PCDHA2: variants seen among roughly 807,000 people sequenced by gnomAD.
PCDHA2 encodes the protein protocadherin alpha 2.
PCDHA2 carries 58 observed loss-of-function variants against 66.0 expected under a neutral mutation model. The ratio of observed to expected loss-of-function variants is 0.88; its 90% confidence interval spans 0.71 to 1.09. The LOEUF is 1.09. PCDHA2 is among the 50% of genes least tolerant of loss of function. The probability of loss-of-function intolerance (pLI) is 0.00; values close to 1 mark genes in which losing one functional copy is unlikely to be tolerated. For missense variants in PCDHA2, 1,267 were observed against 1,242.3 expected (o/e 1.02, Z -0.30); for synonymous variants, 634 against 554.0 (o/e 1.14, Z -2.03).
chr5:140,955,440 G>A (rs1332391978), intron 1 of PCDHA2, among the ~76,000 whole-genome samples: 3 of 152,022 alleles, frequency 2.0e-5, no homozygotes, highest in Admixed American at 2.0e-4. Context: ...TAGGTCTGAT[G>A]GTTTTATAAG....
Position 140,796,980 on chromosome 5 carries a change from T to C in PCDHA2, c.2016T>C (p.Ser672=). The C allele has an allele frequency of 6.2e-7, 1 of 1,613,744 alleles. No individual in the cohort carries two copies. Among genetic ancestry groups the C allele is most frequent in the Non-Finnish European group, 8.5e-7 (1 of 1,179,950 alleles). The part of the protein sequence containing the change: ...TATVLVSLVE[S]GQAPKASSRA... ...CCGTGTTAGTGTCGTTGGTGGAAAGTGGCCAGGCACCCAAGGCCTCGTCGC... is the reference window on the plus strand; with the variant it reads ...CCGTGTTAGTGTCGTTGGTGGAAAGCGGCCAGGCACCCAAGGCCTCGTCGC... The change falls in exon 1 of 4, where the codon AGT becomes AGC. Residue 672 remains serine, a synonymous_variant. Coordinates refer to ENST00000526136, the MANE Select transcript of PCDHA2 (RefSeq NM_018905.3).
chr5:140,946,611 A>AATATATATATAT lies in PCDHA2; in HGVS notation c.2389-32328_2389-32317dup, dbSNP rs1554217734. 3.4e-3 allele frequency among the ~76,000 whole-genome samples: 291 copies of AATATATATATAT among 86,770 alleles called. 7 individuals carry two copies. The highest frequency in any genetic ancestry group is 4.0e-3 in the Non-Finnish European group (186 of 46,640). 56.9% of individuals were successfully genotyped at this position (86,770 alleles called of 152,430 possible). A position where few individuals can be genotyped will look rare whatever the true frequency, so the allele number is the denominator to read the frequency against. On this transcript the variant is annotated intron_variant, in intron 1 of 3. Coordinates refer to ENST00000526136, the MANE Select transcript of PCDHA2 (RefSeq NM_018905.3). ...GGATGAATAGATAAAGAAAATGTGA[A>AATATATATATAT]ATATATATATATATATATATACAAT...
chr5:140,880,338 C>T (rs887426306), intron 1 of PCDHA2, among the ~76,000 whole-genome samples: 10 of 152,130 alleles, frequency 6.6e-5, no homozygotes, highest in African/African-American at 1.7e-4. Context: ...AAAAATAAGA[C>T]AGGCAGCAGG....
chr5:140,877,821 T>C (rs2057358206), intron 1 of PCDHA2: 1 of 1,603,226 alleles, frequency 6.2e-7, no homozygotes, highest in East Asian at 2.2e-5. Flanking sequence ...GAGAAGATTG[T>C]TTAAATCCTC....
chr5:140,795,658 G>C lies in PCDHA2; in HGVS notation c.694G>C (p.Val232Leu). Reference protein sequence around the residue: ...LTGTVQILIKVLDVNDNEPTF... With the variant: ...LTGTVQILIKLLDVNDNEPTF... ...GGGCACCGTTCAAATACTTATTAAGGTATTAGATGTAAATGACAATGAACC... is the reference window on the plus strand; with the variant it reads ...GGGCACCGTTCAAATACTTATTAAGCTATTAGATGTAAATGACAATGAACC... The change falls in exon 1 of 4, where the codon GTA (valine) becomes CTA (leucine). Residue 232 changes from valine to leucine, a missense_variant. Physicochemically the swap from Val to Leu is conservative, Grantham distance 32. Coordinates refer to ENST00000526136, the MANE Select transcript of PCDHA2 (RefSeq NM_018905.3). 1 of 1,614,114 alleles carries C rather than the reference G, an allele frequency of 6.2e-7. No homozygotes were observed. Among genetic ancestry groups the C allele is most frequent in the Non-Finnish European group, 8.5e-7 (1 of 1,180,006 alleles).
chr5:140,945,516 A>C (rs1192013721), intron 1 of PCDHA2, among the ~76,000 whole-genome samples: 2 of 152,154 alleles, frequency 1.3e-5, no homozygotes, highest in Non-Finnish European at 2.9e-5. Flanking sequence ...AAAGTAAATA[A>C]ATAAATAAAA....
chr5:140,835,627 G>A, intron 1 of PCDHA2: 1 of 1,613,916 alleles, frequency 6.2e-7, no homozygotes, highest in Non-Finnish European at 8.5e-7. Flanking sequence ...GCTCTGGACC[G>A]CGAGAGTGTG....
chr5:140,834,233 T>G, intron 1 of PCDHA2: 1 of 758,570 alleles, frequency 1.3e-6, no homozygotes, highest in Non-Finnish European at 2.1e-6. Flanking sequence ...AGGAAGTCAT[T>G]CCTTTTCGCA....
chr5:140,859,587 C>T, intron 1 of PCDHA2: 1 of 166,890 alleles, frequency 6.0e-6, no homozygotes, highest in Non-Finnish European at 1.3e-5. Context: ...TTGCCTATGG[C>T]TCTTAGCAAT....
chr5:140,857,661 A>T, intron 1 of PCDHA2: 1 of 1,596,582 alleles, frequency 6.3e-7, no homozygotes, highest in Non-Finnish European at 8.6e-7. Context: ...AGCGCGCGCG[A>T]TGGGGGCGTG....
At chr5:140,899,402 G>C (rs1465071147) in intron 1 of PCDHA2, among the ~76,000 whole-genome samples, 20 of 152,122 alleles carry the variant, frequency 1.3e-4, no homozygotes, top group East Asian at 7.7e-4. Flanking sequence ...TAGCATGAAG[G>C]GTTGTTGAAT....
chr5:140,883,870 G>A, intron 1 of PCDHA2: 1 of 1,613,302 alleles, frequency 6.2e-7, no homozygotes. Flanking sequence ...TGCAGTTCCA[G>A]GTGAGCGCGC....
chr5:140,828,395 T>G (rs2150154889), intron 1 of PCDHA2: 3 of 1,614,172 alleles, frequency 1.9e-6, no homozygotes, highest in South Asian at 2.2e-5. Context: ...GAGCGCGGAG[T>G]GCAGCATCCA....
chr5:140,872,902 C>G lies in PCDHA2; in HGVS notation c.2388+75550C>G, dbSNP rs78252676. ...TCATTCATCTCACTTTGTAACTGCT[C>G]TATCTTGTAATGCCTTATCTCTAAT... On this transcript the variant is annotated intron_variant, in intron 1 of 3. Coordinates refer to ENST00000526136, the MANE Select transcript of PCDHA2 (RefSeq NM_018905.3). Among the ~76,000 whole-genome samples, 460 of 152,278 alleles carry G rather than the reference C, an allele frequency of 3.0e-3. 1 individual carries two copies. The highest frequency in any genetic ancestry group is 9.4e-3 in the Admixed American group (143 of 15,288).
At chr5:140,950,073 G>T (rs2094447306) in intron 1 of PCDHA2, among the ~76,000 whole-genome samples, 1 of 151,672 alleles carries the variant, frequency 6.6e-6, no homozygotes, top group Non-Finnish European at 1.5e-5. Flanking sequence ...CTGTGCCATT[G>T]CTTATGCTAT....
At chr5:140,941,214 C>CCTTTCTTTCTTCCTTTCTTT (rs2092876516) in intron 1 of PCDHA2, among the ~76,000 whole-genome samples, 18 of 122,412 alleles carry the variant, frequency 1.5e-4, no homozygotes, top group Non-Finnish European at 2.9e-4. Context: ...TTTCTTTCTT[C>CCTTTCTTTCTTCCTTTCTTT]CTTTCTTTCT....
At chr5:140,809,416 T>C (rs1764458100) in intron 1 of PCDHA2, 3 of 1,614,080 alleles carry the variant, frequency 1.9e-6, no homozygotes, top group African/African-American at 2.7e-5. Flanking sequence ...TGTGCTCCAG[T>C]GCGGTGGGGA....
intron 1 of PCDHA2, chr5:140,860,473 G>A (rs534132649): frequency 6.6e-6 from 1 of 152,258 alleles, no homozygotes; most frequent in South Asian, 2.1e-4. Flanking sequence ...AGTTGGTGCA[G>A]TAGTACTTTA....
At chr5:140,823,596 G>C in intron 1 of PCDHA2, 1 of 1,614,020 alleles carries the variant, frequency 6.2e-7, no homozygotes, top group Non-Finnish European at 8.5e-7. Context: ...CTTGGCTTTC[G>C]TATGAGCTGC....
Sources: allele counts gnomAD v4.1 joint callset (sites outside exome capture counted in the v4.1 genomes callset), GRCh38; gene constraint gnomAD v4.1.1; transcripts MANE v1.5; gene names NCBI Gene and HGNC (gene_info 2026-07-23, HGNC 2026-07-21).